The following SSH3 variants were observed in gnomAD, a reference collection of about 807,000 sequenced individuals.
SSH3 encodes protein phosphatase Slingshot homolog 3.
A neutral mutation model predicts 75.0 loss-of-function variants in SSH3; 67 were observed. The ratio of observed to expected loss-of-function variants is 0.89; its 90% CI spans 0.73 to 1.10. SSH3 has a LOEUF of 1.10. Ranked by LOEUF, SSH3 falls within the 50% of genes least tolerant of loss-of-function variation. SSH3 has a pLI of 0.00. For synonymous variants in SSH3, 318 were observed against 349.2 expected (o/e 0.91, Z 1.00); for missense variants, 824 against 872.7 (o/e 0.94, Z 0.70).
At position 67,307,007 on chromosome 11, in the gene SSH3, G is replaced by C. The variant is rs375653856; in HGVS notation, c.465-35G>C. ...AGGAGGGGCAAAGAGGTGAGGGACA[G>C]GGGGGACAATGGCTTTCCCTCTGTC... On this transcript the variant is annotated intron_variant, in intron 4 of 13. Coordinates refer to ENST00000308127, the MANE Select transcript of SSH3 (RefSeq NM_017857.4). The surrounding 1 kb of genome is among the most constrained non-coding windows in gnomAD (Gnocchi z 4.2). The C allele has an allele frequency of 1.2e-6, 2 of 1,613,544 alleles. No homozygotes were observed. The highest frequency in any genetic ancestry group is 1.3e-5 in the African/African-American group (1 of 74,898).
intron 1 of SSH3, 33 bp downstream of exon 1, chr11:67,303,724 C>G: frequency 6.9e-7 from 1 of 1,450,376 alleles, no homozygotes; most frequent in Non-Finnish European, 9.0e-7. Context: ...GCCGCCCACG[C>G]AGTTGCTGCC....
At chr11:67,311,255 GCTGCCTACGCAAA>G (rs1861405021) in intron 13 of SSH3, among the ~76,000 whole-genome samples, 1 of 152,226 alleles carries the variant, frequency 6.6e-6, no homozygotes, top group Non-Finnish European at 1.5e-5. Flanking sequence ...TCACCTGCCG[GCTGCCTACGCAAA>G]GGCAGAGAAA....
At position 67,307,167 on chromosome 11, in the gene SSH3, C is replaced by T. The variant is rs373577695; in HGVS notation, c.536+54C>T. 9.0e-5 allele frequency: 144 copies of T among 1,601,110 alleles called. 1 individual carries two copies. Among genetic ancestry groups the T allele is most frequent in the South Asian group, 6.2e-4 (56 of 90,304 alleles). ...TGGAGGGTGGAATAACTGAGTGTGA[C>T]GGATGTGACGGGGCCTGGGCACCAG... On this transcript the variant is annotated intron_variant, in intron 5 of 13. Coordinates refer to ENST00000308127, the MANE Select transcript of SSH3 (RefSeq NM_017857.4). The surrounding 1 kb of genome is among the most constrained non-coding windows in gnomAD (Gnocchi z 4.2).
chr11:67,304,711 CT>C, intron 2 of SSH3, 61 bp from the exon 3 acceptor site: 1 of 1,510,766 alleles, frequency 6.6e-7, no homozygotes, highest in Non-Finnish European at 9.0e-7. Flanking sequence ...GCATGCTAGA[CT>C]TTGAGAGCCC....
At chr11:67,309,020 G>C (rs1861335754) in intron 10 of SSH3, among the ~76,000 whole-genome samples, 1 of 152,226 alleles carries the variant, frequency 6.6e-6, no homozygotes, top group Admixed American at 6.5e-5. Flanking sequence ...TGCCTGCTCT[G>C]ACAGGTACCT....
In SSH3 at chr11:67,310,103, G is replaced by A. The variant is rs141784426; in HGVS notation, c.1447G>A (p.Val483Ile). 351 of 1,613,834 alleles carry A rather than the reference G, an allele frequency of 2.2e-4. 1 individual carries two copies. The highest frequency in any genetic ancestry group is 2.0e-3 in the Middle Eastern group (12 of 6,084). ...TGTCTGGGAGCAGAAAGTGGGTGGG[G>A]TCTCCCCAGAGGAGCACCCAGCCCC... ...SHVWEQKVGG[V>I]SPEEHPAPEV... Residue 483 changes from valine (V) to isoleucine (I), a missense_variant, in exon 13 of 14, where the codon GTC becomes ATC. Val to Ile is a conservative substitution (Grantham distance 29). Coordinates refer to ENST00000308127, the MANE Select transcript of SSH3 (RefSeq NM_017857.4).
chr11:67,306,436 A>C (rs913955560), intron 3 of SSH3, among the ~76,000 whole-genome samples: 4 of 152,188 alleles, frequency 2.6e-5, no homozygotes, highest in Admixed American at 2.0e-4. Context: ...TCTCATCTCA[A>C]CAAAAAACTT....
rs763964834 is a variant in SSH3, at chr11:67,311,775, A to G, written c.1868A>G (p.Glu623Gly). 9.9e-6 allele frequency: 16 copies of G among 1,613,642 alleles called. No homozygotes were observed. The South Asian group carries it at 1.1e-4, about 11-fold the overall frequency. Residue 623 changes from glutamate to glycine, a missense_variant, in exon 14 of 14, where the codon GAG (glutamate) becomes GGG (glycine). Transcript: ENST00000308127. ...CGGACCCAGGCCTTCCAGGAGCAGG[A>G]GCAGGGGCAGGGGCAGGGGCAGGGA... ...ANRTQAFQEQ[E>G]QGQGQGQGEP... is the part of the protein sequence containing the mutation.
Position 67,307,117 on chromosome 11 carries a change from A to C in SSH3, c.536+4A>C. Reference sequence around the variant, plus strand: ...AGGTGTACTTAGATGGAGACGGGTAAGCAATGGCAACTGGAGGTGGGGGCT... The same window carrying C: ...AGGTGTACTTAGATGGAGACGGGTACGCAATGGCAACTGGAGGTGGGGGCT... On this transcript the variant is annotated splice_donor_region_variant and intron_variant, in intron 5 of 13. Coordinates refer to ENST00000308127, the MANE Select transcript of SSH3 (RefSeq NM_017857.4). The surrounding 1 kb of genome is among the most constrained non-coding windows in gnomAD (Gnocchi z 4.2). 1 of 1,613,372 alleles carries C rather than the reference A, an allele frequency of 6.2e-7. No homozygotes were observed. The highest frequency in any genetic ancestry group is 2.2e-5 in the East Asian group (1 of 44,876).
intron 1 of SSH3, 61 bp downstream of exon 1, chr11:67,303,752 C>A: frequency 7.1e-7 from 1 of 1,403,908 alleles, no homozygotes; most frequent in South Asian, 1.5e-5. Context: ...GGGAGCGCGT[C>A]CTGCCCGCCA....
Position 67,308,472 on chromosome 11 carries a change from C to T in SSH3, c.1061+14C>T, listed in dbSNP as rs1394371979. The T allele has an allele frequency of 1.9e-6, 3 of 1,569,846 alleles. No homozygotes were observed. Among genetic ancestry groups the T allele is most frequent in the East Asian group, 2.4e-5 (1 of 42,188 alleles). Reference sequence around the variant, plus strand: ...GCAGAGGAACAGGTAGGGCTATGAGCCCCTCGGGCCACCCACCCCATCTTC... The same window carrying T: ...GCAGAGGAACAGGTAGGGCTATGAGTCCCTCGGGCCACCCACCCCATCTTC... On this transcript the variant is annotated intron_variant, in intron 10 of 13. Coordinates refer to ENST00000308127, the MANE Select transcript of SSH3 (RefSeq NM_017857.4). This position sits in a 1 kb window ranked among gnomAD's most constrained non-coding sequence, Gnocchi z 4.9.
intron 1 of SSH3, 21 bp from the exon 2 acceptor site, chr11:67,304,097 C>T (rs1421294687): frequency 6.3e-7 from 1 of 1,581,040 alleles, no homozygotes; most frequent in South Asian, 1.1e-5. Flanking sequence ...TCACCCTGCC[C>T]TGGGGCTGCT....
rs1350739845 is a variant in SSH3 at position 67,308,490 on chromosome 11, C to T, written c.1061+32C>T. ...CTATGAGCCCCTCGGGCCACCCACCCCATCTTCCCTTCTCCTGGCCTCCCC... is the reference window on the plus strand; with the variant it reads ...CTATGAGCCCCTCGGGCCACCCACCTCATCTTCCCTTCTCCTGGCCTCCCC... On this transcript the variant is annotated intron_variant, in intron 10 of 13. Coordinates refer to ENST00000308127, the MANE Select transcript of SSH3 (RefSeq NM_017857.4). The surrounding 1 kb of genome is among the most constrained non-coding windows in gnomAD (Gnocchi z 4.9). The T allele has an allele frequency of 6.4e-7, 1 of 1,557,448 alleles. No individual in the cohort carries two copies. Among genetic ancestry groups the T allele is most frequent in the Non-Finnish European group, 8.7e-7 (1 of 1,151,344 alleles).
chr11:67,307,197 C>T lies in SSH3; in HGVS notation c.536+84C>T, dbSNP rs1861271535. 5.7e-6 allele frequency: 9 copies of T among 1,579,268 alleles called. No individual in the cohort carries two copies. Among genetic ancestry groups the T allele is most frequent in the East Asian group, 2.3e-5 (1 of 44,394 alleles). On this transcript the variant is annotated intron_variant, in intron 5 of 13. Transcript: ENST00000308127. This position sits in a 1 kb window ranked among gnomAD's most constrained non-coding sequence, Gnocchi z 4.2. ...GTGACGGGGCCTGGGCACCAGGGTA[C>T]AGTAGAACTTTAGGCTGGGACTCTG...
At chr11:67,305,288 A>G (rs1683493438) in intron 3 of SSH3, among the ~76,000 whole-genome samples, 1 of 150,518 alleles carries the variant, frequency 6.6e-6, no homozygotes, top group South Asian at 2.1e-4. Context: ...CCGGGTTCAC[A>G]CCATTCTCCT....
At chr11:67,310,724 G>C (rs947807175) in intron 13 of SSH3, among the ~76,000 whole-genome samples, 1 of 152,126 alleles carries the variant, frequency 6.6e-6, no homozygotes, top group African/African-American at 2.4e-5. Context: ...GGGTGAGCCA[G>C]CCCCAGCCTC....
rs373353258 is a variant in SSH3 at position 67,308,308 on chromosome 11, C to T, written c.1014+6C>T. 6.2e-6 allele frequency: 10 copies of T among 1,614,102 alleles called. No homozygotes were observed. The highest frequency in any genetic ancestry group is 1.1e-5 in the South Asian group (1 of 91,074). On this transcript the variant is annotated splice_donor_region_variant and intron_variant, in intron 9 of 13. Coordinates refer to ENST00000308127, the MANE Select transcript of SSH3 (RefSeq NM_017857.4). The surrounding 1 kb of genome is among the most constrained non-coding windows in gnomAD (Gnocchi z 4.9). ...TCTTCCCCCACCTCTACCTGGTGAG[C>T]TTCAGCCAGGCCTGGGCCATGGGGA...
Position 67,311,790 on chromosome 11 carries a change from A to AGGGGCC in SSH3, c.1888_1889insCGGGGC (p.Gly629_Gln630insProGly). ...CAGGAGCAGGAGCAGGGGCAGGGGC[A>AGGGGCC]GGGGCAGGGAGAGCCCTGCATTTCC... On this transcript the variant is annotated inframe_insertion, in exon 14 of 14. Transcript: ENST00000308127. 6.2e-7 allele frequency: 1 copy of AGGGGCC among 1,613,404 alleles called. No individual in the cohort carries two copies. The highest frequency in any genetic ancestry group is 1.3e-5 in the African/African-American group (1 of 74,934).
chr11:67,307,509 G>T lies in SSH3; in HGVS notation c.603-40G>T. ...AGGCTGCAGGGCCTGGGGAAGGGCA[G>T]CAAGGGAACAGTGTGACCCAGCCTC... On this transcript the variant is annotated intron_variant, in intron 6 of 13. Transcript: ENST00000308127. The surrounding 1 kb of genome is among the most constrained non-coding windows in gnomAD (Gnocchi z 4.2). The T allele has an allele frequency of 6.2e-7, 1 of 1,612,408 alleles. No homozygotes were observed. The highest frequency in any genetic ancestry group is 8.5e-7 in the Non-Finnish European group (1 of 1,179,256).
Sources: allele counts gnomAD v4.1 joint callset (sites outside exome capture counted in the v4.1 genomes callset), GRCh38; gene constraint gnomAD v4.1.1; non-coding constraint Gnocchi (gnomAD v3.1); transcripts MANE v1.5; gene names NCBI Gene and HGNC (gene_info 2026-07-23, HGNC 2026-07-21).